The following PPP1R13B variants were observed in gnomAD, a reference collection of about 807,000 sequenced individuals.
PPP1R13B encodes the protein apoptosis-stimulating of p53 protein 1.
Under a neutral mutation model 119.8 loss-of-function variants are expected in PPP1R13B, and 44 were observed. That is an observed-to-expected ratio of 0.37 (90% CI 0.29 to 0.47). The LOEUF is 0.47. PPP1R13B is among the 20% of genes least tolerant of loss of function. PPP1R13B has a pLI of 0.99. For synonymous variants in PPP1R13B, 542 were observed against 561.5 expected (o/e 0.97, Z 0.49); for missense variants, 1,227 against 1,413.5 (o/e 0.87, Z 2.12).
At chr14:103,833,790 GC>G (rs1469786932) in intron 1 of PPP1R13B, among the ~76,000 whole-genome samples, 2 of 152,028 alleles carry the variant, frequency 1.3e-5, no homozygotes, top group African/African-American at 2.4e-5. Context: ...AGACCTCTCT[GC>G]CACCGTACTC....
chr14:103,767,652 T>G (rs935727978), intron 4 of PPP1R13B, among the ~76,000 whole-genome samples: 6 of 152,084 alleles, frequency 3.9e-5, no homozygotes, highest in Non-Finnish European at 8.8e-5. Flanking sequence ...ACCTGGCCTC[T>G]CCCAGGCTGG....
chr14:103,797,603 AC>A (rs1208759985), intron 1 of PPP1R13B, 85 bp from the exon 2 acceptor site: 56 of 591,318 alleles, frequency 9.5e-5, no homozygotes, highest in East Asian at 7.7e-4. Context: ...CCCTCTACCC[AC>A]CCCCCGCCCC....
At chr14:103,814,750 C>A (rs529709661) in intron 1 of PPP1R13B, among the ~76,000 whole-genome samples, 1 of 152,082 alleles carries the variant, frequency 6.6e-6, no homozygotes, top group Admixed American at 6.6e-5. Context: ...TCGAGACCAT[C>A]CTGGCTAACA....
rs200257177 is a variant in PPP1R13B, at chr14:103,735,179, T to C, written c.3248A>G (p.Lys1083Arg). ...TCAGGCGAGTGTTCGCTGTCGGGGT[T>C]TGATCCGTGGATACAGCTGGGAAGC... ...KNLLGLYPRI[K>R]PRQRTLA is the part of the protein sequence containing the mutation. Residue 1083 changes from lysine (K) to arginine (R), a missense_variant, in exon 17 of 17, where the codon AAA becomes AGA. Lys to Arg is a conservative substitution (Grantham distance 26). Transcript: ENST00000202556. 107 of 1,614,022 alleles carry C rather than the reference T, an allele frequency of 6.6e-5. No homozygotes were observed. Among genetic ancestry groups the C allele is most frequent in the Non-Finnish European group, 8.4e-5 (99 of 1,180,032 alleles).
chr14:103,748,066 TACACACACACACACACACACACACACAC>T (rs58398068), intron 8 of PPP1R13B, among the ~76,000 whole-genome samples: 8 of 138,136 alleles, frequency 5.8e-5, no homozygotes, highest in Admixed American at 1.4e-4. Context: ...TTAAATCACA[TACACACACACACACACACACACACACAC>T]ACACACACAC....
intron 2 of PPP1R13B, among the ~76,000 whole-genome samples, chr14:103,787,463 G>C (rs1010836344): frequency 5.3e-5 from 8 of 149,714 alleles, no homozygotes; most frequent in Admixed American, 5.3e-4. Flanking sequence ...TCTCAAAAAA[G>C]AAAGTTCATA....
At chr14:103,846,784 A>T in intron 1 of PPP1R13B, 1 of 457,162 alleles carries the variant, frequency 2.2e-6, no homozygotes, top group Non-Finnish European at 4.4e-6. Flanking sequence ...CCAACATTGC[A>T]GATACGGGAA....
chr14:103,749,773 C>T, intron 8 of PPP1R13B, 21 bp downstream of exon 8: 8 of 1,608,216 alleles, frequency 5.0e-6, no homozygotes, highest in Non-Finnish European at 5.9e-6. Flanking sequence ...TAGTTTATCT[C>T]ACAAAAACTT....
chr14:103,764,386 C>A, intron 4 of PPP1R13B: 1 of 253,474 alleles, frequency 3.9e-6, no homozygotes, highest in Non-Finnish European at 8.2e-6. Flanking sequence ...TGCCTGTTAG[C>A]CACTTGTCTC....
intron 4 of PPP1R13B, among the ~76,000 whole-genome samples, chr14:103,767,664 C>T (rs1343414752): frequency 6.6e-6 from 1 of 152,034 alleles, no homozygotes; most frequent in African/African-American, 2.4e-5. Flanking sequence ...CCAGGCTGGT[C>T]CTCTTGCTCT....
intron 3 of PPP1R13B, among the ~76,000 whole-genome samples, chr14:103,782,075 A>G (rs964531109): frequency 6.6e-6 from 1 of 152,208 alleles, no homozygotes; most frequent in Non-Finnish European, 1.5e-5. Context: ...AAAGAGGTAT[A>G]CAATCAACAA....
intron 9 of PPP1R13B, among the ~76,000 whole-genome samples, chr14:103,745,981 G>T (rs1567089012): frequency 6.6e-6 from 1 of 152,008 alleles, no homozygotes; most frequent in Non-Finnish European, 1.5e-5. Flanking sequence ...AATTTTCGTA[G>T]TTTTAGTAAA....
At chr14:103,842,858 T>C (rs2086940919) in intron 1 of PPP1R13B, among the ~76,000 whole-genome samples, 1 of 151,554 alleles carries the variant, frequency 6.6e-6, no homozygotes, top group Admixed American at 6.6e-5. Flanking sequence ...GCCCCTGTAA[T>C]CCCAGCTCCT....
At chr14:103,817,623 TATA>T (rs1339370237) in intron 1 of PPP1R13B, among the ~76,000 whole-genome samples, 13 of 152,176 alleles carry the variant, frequency 8.5e-5, no homozygotes, top group African/African-American at 2.4e-4. Context: ...GAATGAAATT[TATA>T]ATAAGACACA....
At chr14:103,829,104 T>A (rs1196978380) in intron 1 of PPP1R13B, among the ~76,000 whole-genome samples, 1 of 152,228 alleles carries the variant, frequency 6.6e-6, no homozygotes, top group Non-Finnish European at 1.5e-5. Context: ...CTAAAGTGTT[T>A]CAGAGAGAAA....
At chr14:103,802,394 A>T (rs957620433) in intron 1 of PPP1R13B, among the ~76,000 whole-genome samples, 5 of 151,722 alleles carry the variant, frequency 3.3e-5, no homozygotes, top group Non-Finnish European at 2.9e-5. Flanking sequence ...GAGTAAAAAA[A>T]TTTTTTTTTA....
chr14:103,784,886 C>G lies in PPP1R13B; in HGVS notation c.186G>C (p.Met62Ile). The G allele has an allele frequency of 6.2e-7, 1 of 1,606,064 alleles. No homozygotes were observed. Among genetic ancestry groups the G allele is most frequent in the Non-Finnish European group, 8.5e-7 (1 of 1,173,854 alleles). ...GACCCCATTTCTGAAGATGTTCGTACATCATATGATCAAAGGGTATGGGAC... is the reference window on the plus strand; with the variant it reads ...GACCCCATTTCTGAAGATGTTCGTAGATCATATGATCAAAGGGTATGGGAC... ...NERPIPFDHM[M>I]YEHLQKWGPR... Residue 62 changes from methionine to isoleucine, a missense_variant, in exon 3 of 17, where the codon ATG becomes ATC. Physicochemically the swap from Met to Ile is conservative, Grantham distance 10. Coordinates refer to ENST00000202556, the MANE Select transcript of PPP1R13B (RefSeq NM_015316.3).
In PPP1R13B at chr14:103,746,509, G is replaced by A; in HGVS notation, c.1014C>T (p.Ser338=). 6.2e-7 allele frequency: 1 copy of A among 1,612,932 alleles called. No homozygotes were observed. Among genetic ancestry groups the A allele is most frequent in the Non-Finnish European group, 8.5e-7 (1 of 1,179,354 alleles). The part of the protein sequence containing the change: ...NGTSSPQSPL[S]TSGRVAAVGP... ...CCACAGCAGCGACCCTGCCCGATGT[G>A]CTCAGAGGGGACTGTGGTGATGACG... Residue 338 remains serine (S), a synonymous_variant, in exon 9 of 17, where the codon AGC becomes AGT. Coordinates refer to ENST00000202556, the MANE Select transcript of PPP1R13B (RefSeq NM_015316.3).
At position 103,737,949 on chromosome 14, in the gene PPP1R13B, C is replaced by T. The variant is rs41301461; in HGVS notation, c.2865-89G>A. On this transcript the variant is annotated intron_variant, in intron 14 of 16. Coordinates refer to ENST00000202556, the MANE Select transcript of PPP1R13B (RefSeq NM_015316.3). Reference sequence around the variant, plus strand: ...AGAGATTTCCCTCTAAGGAATCTCGCGGAAGGCGTTCACCTTTGTGCCATC... The same window carrying T: ...AGAGATTTCCCTCTAAGGAATCTCGTGGAAGGCGTTCACCTTTGTGCCATC... The T allele has an allele frequency of 1.3e-3, 1,862 of 1,387,972 alleles. 8 individuals are homozygous for T. The highest frequency in any genetic ancestry group is 1.5e-3 in the Non-Finnish European group (1,528 of 1,043,568). 86.0% of individuals were successfully genotyped at this position (1,387,972 alleles called of 1,614,324 possible).
Sources: gnomAD v4.1 joint callset for allele counts (sites outside exome capture counted in the v4.1 genomes callset) on GRCh38, gnomAD v4.1.1 for gene constraint, MANE v1.5 for transcripts, NCBI Gene and HGNC (gene_info 2026-07-23, HGNC 2026-07-21) for gene names.